MYOM2: variants seen among roughly 807,000 people sequenced by gnomAD.
MYOM2 encodes myomesin 2, also known as myomesin-2.
In MYOM2, 254 loss-of-function variants were observed where a neutral mutation model predicts 187.6. The observed-to-expected ratio is 1.35, with a 90% CI of 1.22 to 1.50. The LOEUF is 1.50. Among genes scored for constraint, MYOM2 ranks in the 40% most tolerant of loss-of-function variants. The pLI, the probability that MYOM2 is intolerant of heterozygous loss-of-function variation, is 0.00. For missense variants in MYOM2, 2,796 were observed against 1,924.0 expected (o/e 1.45, Z -8.48); for synonymous variants, 981 against 753.8 (o/e 1.30, Z -4.94).
Position 2,123,807 on chromosome 8 carries a change from GT to G in MYOM2, c.3655+171del, listed in dbSNP as rs1199282636. 5.9e-5 allele frequency among the ~76,000 whole-genome samples: 9 copies of G among 152,342 alleles called. No homozygotes were observed. The South Asian group carries it at 1.7e-3, about 28-fold the overall frequency. ...TATTTGTTCTTTGGTTGCTTTCAGA[GT>G]TTTTTCAGTGTTTTAGAATAATGTA... On this transcript the variant is annotated intron_variant, in intron 30 of 36. Coordinates refer to ENST00000262113, the MANE Select transcript of MYOM2 (RefSeq NM_003970.4).
At chr8:2,120,935 C>A (rs960950194) in intron 28 of MYOM2, among the ~76,000 whole-genome samples, 1 of 151,170 alleles carries the variant, frequency 6.6e-6, no homozygotes, top group African/African-American at 2.4e-5. Flanking sequence ...ATTTCTTGCA[C>A]TAGTGTGTTT....
chr8:2,072,855 G>T (rs1275420224), intron 9 of MYOM2, among the ~76,000 whole-genome samples: 1 of 152,242 alleles, frequency 6.6e-6, no homozygotes. Context: ...AGACAGAAAT[G>T]CTACCTTAGT....
At chr8:2,117,325 G>A (rs1380767503) in intron 27 of MYOM2, among the ~76,000 whole-genome samples, 1 of 152,112 alleles carries the variant, frequency 6.6e-6, no homozygotes, top group Non-Finnish European at 1.5e-5. Context: ...GGGTATTAGT[G>A]TATGACTTAT....
chr8:2,057,418 G>A lies in MYOM2; in HGVS notation c.334G>A (p.Glu112Lys), dbSNP rs775075842. The change falls in exon 4 of 37, where the codon GAG (glutamate) becomes AAG (lysine). Residue 112 changes from glutamate (E) to lysine (K), a missense_variant. By Grantham distance (56) the Glu-to-Lys change is moderately conservative (BLOSUM62 1). Transcript: ENST00000262113. Reference sequence around the variant, plus strand: ...CTTCCTCAGCGAGCTGGCCCACTTGGAGGAGGATGTCCACCTGGCACGCTC... The same window carrying A: ...CTTCCTCAGCGAGCTGGCCCACTTGAAGGAGGATGTCCACCTGGCACGCTC... ...QRFLSELAHLEEDVHLARSQA... is the reference protein window; with the variant it reads ...QRFLSELAHLKEDVHLARSQA... 3.7e-6 allele frequency: 6 copies of A among 1,613,918 alleles called. No individual in the cohort carries two copies. The highest frequency in any genetic ancestry group is 1.7e-5 in the Admixed American group (1 of 59,988).
chr8:2,100,097 C>CTTCCTTCT (rs1585905417), intron 19 of MYOM2, among the ~76,000 whole-genome samples: 1 of 89,618 alleles, frequency 1.1e-5, no homozygotes, highest in African/African-American at 4.3e-5. Flanking sequence ...TCCTTCCTTC[C>CTTCCTTCT]TTCCTTCCTT....
At position 2,094,024 on chromosome 8, in the gene MYOM2, G is replaced by C. The variant is rs1447497396; in HGVS notation, c.2058G>C (p.Ala686=). 1.9e-6 allele frequency: 3 copies of C among 1,614,110 alleles called. No individual in the cohort carries two copies. The highest frequency in any genetic ancestry group is 2.2e-5 in the East Asian group (1 of 44,872). The change falls in exon 17 of 37, where the codon GCG becomes GCC. Residue 686 remains alanine, a synonymous_variant. Transcript: ENST00000262113. ...AGCAGTACATCTTCCGAGTCAAGGCGGTCAATGCTGTGGGGATGAGTGAAA... is the reference window on the plus strand; with the variant it reads ...AGCAGTACATCTTCCGAGTCAAGGCCGTCAATGCTGTGGGGATGAGTGAAA... ...TGEQYIFRVK[A]VNAVGMSENS...
At chr8:2,131,744 C>T (rs1424288203) in intron 32 of MYOM2, among the ~76,000 whole-genome samples, 4 of 150,684 alleles carry the variant, frequency 2.7e-5, no homozygotes, top group Admixed American at 1.3e-4. Flanking sequence ...CCCAGGTTCA[C>T]GCCATTCTCC....
At chr8:2,091,774 A>G (rs1796311049) in intron 15 of MYOM2, among the ~76,000 whole-genome samples, 1 of 152,184 alleles carries the variant, frequency 6.6e-6, no homozygotes, top group Admixed American at 6.5e-5. Context: ...ATGAAAAATG[A>G]CAGTGTCCAT....
At chr8:2,134,864 A>G (rs1486915656) in intron 32 of MYOM2, among the ~76,000 whole-genome samples, 2 of 151,980 alleles carry the variant, frequency 1.3e-5, no homozygotes, top group Non-Finnish European at 2.9e-5. Flanking sequence ...CCCCATTGCT[A>G]CAATCCCAGA....
intron 1 of MYOM2, among the ~76,000 whole-genome samples, chr8:2,047,558 T>C (rs2129325848): frequency 6.6e-6 from 1 of 152,310 alleles, no homozygotes; most frequent in South Asian, 2.1e-4. Context: ...GGTTCTGATT[T>C]AGGCTTGGCT....
intron 31 of MYOM2, among the ~76,000 whole-genome samples, chr8:2,126,865 G>C (rs1797663226): frequency 7.2e-6 from 1 of 138,138 alleles, no homozygotes; most frequent in Admixed American, 7.3e-5. Context: ...AGGAGCACTG[G>C]GGGATGCTGA....
chr8:2,145,240 G>A lies in MYOM2; in HGVS notation c.*259G>A, dbSNP rs1798421836. On this transcript the variant is annotated 3_prime_UTR_variant, in exon 37 of 37. Transcript: ENST00000262113. ...GCAGATGCCTGACAGAGAGTGGGTT[G>A]GCAGACAACACACTAGAATTTTCAC... 6 of 564,474 alleles carry A rather than the reference G, an allele frequency of 1.1e-5. No homozygotes were observed. The South Asian group carries it at 1.4e-4, about 13-fold the overall frequency. 35.0% of individuals were successfully genotyped at this position (564,474 alleles called of 1,614,324 possible).
At chr8:2,141,524 C>T (rs1239600690) in intron 34 of MYOM2, among the ~76,000 whole-genome samples, 6 of 152,224 alleles carry the variant, frequency 3.9e-5, no homozygotes, top group Non-Finnish European at 7.4e-5. Context: ...TGGCCGATTT[C>T]GGTCAGGAGC....
chr8:2,084,174 G>A (rs2116694675), intron 13 of MYOM2, among the ~76,000 whole-genome samples: 1 of 152,318 alleles, frequency 6.6e-6, no homozygotes, highest in South Asian at 2.1e-4. Flanking sequence ...ACGGTGCACG[G>A]GTGGAGAGCA....
intron 6 of MYOM2, among the ~76,000 whole-genome samples, chr8:2,060,124 A>G (rs1818803933): frequency 6.6e-6 from 1 of 152,164 alleles, no homozygotes; most frequent in Non-Finnish European, 1.5e-5. Context: ...ACTTTTCACA[A>G]AAGACCCTGA....
chr8:2,047,553 T>C (rs1818349613), intron 1 of MYOM2, among the ~76,000 whole-genome samples: 1 of 152,224 alleles, frequency 6.6e-6, no homozygotes, highest in Admixed American at 6.5e-5. Context: ...CCAAGGGTTC[T>C]GATTTAGGCT....
At chr8:2,140,309 G>C (rs1381065953) in intron 32 of MYOM2, among the ~76,000 whole-genome samples, 1 of 148,940 alleles carries the variant, frequency 6.7e-6, no homozygotes, top group East Asian at 2.0e-4. Context: ...CCTCCCCACC[G>C]GGGCGGTCGT....
In MYOM2 at chr8:2,052,216, A is replaced by G. The variant is rs1563412402; in HGVS notation, c.166A>G (p.Arg56Gly). Residue 56 changes from arginine (R) to glycine (G), a missense_variant, in exon 3 of 37, where the codon AGA (arginine) becomes GGA (glycine). Transcript: ENST00000262113. ...CTTGAGTCAGCGGTCGTCTTCACAG[A>G]GAGCCTCCAGCCAGACGTCCCTGGG... ...KSLSQRSSSQRASSQTSLGGT... is the reference protein window; with the variant it reads ...KSLSQRSSSQGASSQTSLGGT... 6.2e-7 allele frequency: 1 copy of G among 1,613,278 alleles called. No individual in the cohort carries two copies. Among genetic ancestry groups the G allele is most frequent in the East Asian group, 2.2e-5 (1 of 44,840 alleles).
intron 25 of MYOM2, among the ~76,000 whole-genome samples, chr8:2,112,457 C>G (rs1244616957): frequency 6.6e-6 from 1 of 151,648 alleles, no homozygotes; most frequent in Non-Finnish European, 1.5e-5. Flanking sequence ...CTCTAGTGCA[C>G]AGAGAGTGGG....
Sources: gnomAD v4.1 joint callset for allele counts (sites outside exome capture counted in the v4.1 genomes callset) on GRCh38, gnomAD v4.1.1 for gene constraint, MANE v1.5 for transcripts, NCBI Gene and HGNC (gene_info 2026-07-23, HGNC 2026-07-21) for gene names.